GLRA1: variants seen among roughly 807,000 people sequenced by gnomAD.
GLRA1 encodes glycine receptor alpha 1.
Under a neutral mutation model 48.3 loss-of-function variants are expected in GLRA1, and 37 were observed. That is an observed-to-expected ratio of 0.77 (90% CI 0.59 to 1.01). GLRA1 has a LOEUF of 1.01. GLRA1 is among the 50% of genes least tolerant of loss of function. The pLI is 0.00. For synonymous variants in GLRA1, 196 were observed against 210.7 expected, an observed-to-expected ratio of 0.93 and a Z score of 0.60; for missense variants, 427 against 571.0, an observed-to-expected ratio of 0.75 and a Z score of 2.57.
intron 3 of GLRA1, among the ~76,000 whole-genome samples, chr5:151,865,494 T>G (rs1332989551): frequency 2.0e-5 from 3 of 152,160 alleles, no homozygotes; most frequent in Non-Finnish European, 4.4e-5. Context: ...GGAGGACACA[T>G]GCAGGGTCTT....
chr5:151,919,477 G>A (rs545626175), intron 1 of GLRA1, among the ~76,000 whole-genome samples: 1 of 152,298 alleles, frequency 6.6e-6, no homozygotes, highest in Non-Finnish European at 1.5e-5. Flanking sequence ...TCATGTCTGG[G>A]TCGGGATAAC....
At chr5:151,869,147 A>G (rs1168187945) in intron 3 of GLRA1, among the ~76,000 whole-genome samples, 1 of 151,460 alleles carries the variant, frequency 6.6e-6, no homozygotes, top group Non-Finnish European at 1.5e-5. Context: ...TCTGTCACTC[A>G]GGCTGGAGTG....
chr5:151,831,400 C>A (rs887987873), intron 7 of GLRA1, among the ~76,000 whole-genome samples: 10 of 152,370 alleles, frequency 6.6e-5, no homozygotes, highest in Middle Eastern at 6.8e-3. Context: ...GATCCACTGG[C>A]TTGAAATTCT....
At chr5:151,875,402 A>C (rs1456783584) in intron 3 of GLRA1, among the ~76,000 whole-genome samples, 3 of 152,080 alleles carry the variant, frequency 2.0e-5, no homozygotes. Context: ...TTGAACTCTT[A>C]GCTTCAAGTG....
chr5:151,886,504 G>A (rs1028054733), intron 3 of GLRA1, among the ~76,000 whole-genome samples: 1 of 152,154 alleles, frequency 6.6e-6, no homozygotes, highest in African/African-American at 2.4e-5. Flanking sequence ...GCAGGTGCTT[G>A]CCCTGCTAGG....
intron 4 of GLRA1, among the ~76,000 whole-genome samples, chr5:151,857,031 G>A (rs184213888): frequency 1.3e-3 from 191 of 152,254 alleles, no homozygotes; most frequent in African/African-American, 4.5e-3. Flanking sequence ...CTGGGGGCCC[G>A]GGCCTGGCGG....
intron 3 of GLRA1, among the ~76,000 whole-genome samples, chr5:151,864,283 G>A (rs941384969): frequency 6.6e-5 from 10 of 152,286 alleles, no homozygotes; most frequent in African/African-American, 1.4e-4. Context: ...TGTCAAGTCC[G>A]TTTATGTGGC....
chr5:151,830,840 G>A (rs1763402823), intron 7 of GLRA1, among the ~76,000 whole-genome samples: 1 of 152,226 alleles, frequency 6.6e-6, no homozygotes, highest in African/African-American at 2.4e-5. Context: ...TTATTAAAAT[G>A]TCCAAACTTG....
rs1179200913 is a variant in GLRA1, at chr5:151,881,320, T to TC, written c.252+5400dup. On this transcript the variant is annotated intron_variant, in intron 3 of 8. Transcript: ENST00000274576. ...TTGTACGTTTCTTTCTTTTTGTTTT[T>TC]CCTTTTTTTTTTTTTTTGAGACAGA... Among the ~76,000 whole-genome samples, 11 of 119,776 alleles carry TC rather than the reference T, an allele frequency of 9.2e-5. No individual in the cohort carries two copies. In the East Asian group the frequency reaches 3.1e-3, roughly 34 times the overall value. 78.6% of individuals were successfully genotyped at this position (119,776 alleles called of 152,430 possible).
rs1254366484 is a variant in GLRA1, at chr5:151,827,187, T to A, written c.1059+1734A>T. 4.1e-5 allele frequency among the ~76,000 whole-genome samples: 6 copies of A among 146,078 alleles called. No homozygotes were observed. The South Asian group carries it at 6.7e-4, about 16-fold the overall frequency. ...TTAAATAGACTTTTTTTTTTTTTTT[T>A]AAAGCATCAGAGGCTAGGTATTAAA... On this transcript the variant is annotated intron_variant, in intron 8 of 8. Transcript: ENST00000274576.
intron 6 of GLRA1, among the ~76,000 whole-genome samples, chr5:151,854,046 T>G (rs935402553): frequency 7.9e-5 from 12 of 152,184 alleles, no homozygotes; most frequent in African/African-American, 2.4e-4. Flanking sequence ...CAGTTATACC[T>G]TAAGAAAGCT....
At chr5:151,915,035 C>G (rs575201231) in intron 1 of GLRA1, among the ~76,000 whole-genome samples, 20 of 152,154 alleles carry the variant, frequency 1.3e-4, no homozygotes, top group Non-Finnish European at 2.8e-4. Context: ...CTAGCTCTGC[C>G]TTTTACTAGT....
chr5:151,907,985 G>T (rs538774710), intron 1 of GLRA1, among the ~76,000 whole-genome samples: 4 of 152,308 alleles, frequency 2.6e-5, no homozygotes, highest in South Asian at 2.1e-4. Context: ...GCTAATAATT[G>T]TTGTCCATAA....
chr5:151,863,318 A>T (rs535071184), intron 3 of GLRA1, among the ~76,000 whole-genome samples: 1 of 152,252 alleles, frequency 6.6e-6, no homozygotes. Flanking sequence ...GCTACTCAGG[A>T]GGCTGAGGTA....
At chr5:151,896,254 G>T (rs183299281) in intron 1 of GLRA1, among the ~76,000 whole-genome samples, 1 of 152,314 alleles carries the variant, frequency 6.6e-6, no homozygotes, top group Admixed American at 6.5e-5. Context: ...CCTTGGCACT[G>T]AGCCGAAGTG....
intron 1 of GLRA1, among the ~76,000 whole-genome samples, chr5:151,916,273 C>T (rs1384860578): frequency 1.3e-5 from 2 of 152,134 alleles, no homozygotes; most frequent in Non-Finnish European, 2.9e-5. Context: ...GGTGATTGGG[C>T]AGCTTATATG....
chr5:151,900,307 AT>A (rs1754332248), intron 1 of GLRA1, among the ~76,000 whole-genome samples: 1 of 152,124 alleles, frequency 6.6e-6, no homozygotes, highest in Non-Finnish European at 1.5e-5. Context: ...CTGCTACAAC[AT>A]CCTAAATCCC....
At chr5:151,886,670 T>C in intron 3 of GLRA1, 51 bp downstream of exon 3, 1 of 1,298,194 alleles carries the variant, frequency 7.7e-7, no homozygotes, top group Non-Finnish European at 1.1e-6. Flanking sequence ...AAATATTTCA[T>C]GGAGAGATAT....
intron 1 of GLRA1, among the ~76,000 whole-genome samples, chr5:151,897,900 G>A (rs76080852): frequency 0.016 from 2,382 of 152,282 alleles, 55 homozygotes; most frequent in African/African-American, 0.054. Context: ...GTTTATGGAT[G>A]TATGTGGGGA....
Sources: allele counts gnomAD v4.1 joint callset (sites outside exome capture counted in the v4.1 genomes callset), GRCh38; gene constraint gnomAD v4.1.1; transcripts MANE v1.5; gene names NCBI Gene and HGNC (gene_info 2026-07-23, HGNC 2026-07-21).